PCM1: variants seen among roughly 807,000 people sequenced by gnomAD.
PCM1 encodes pericentriolar material 1 protein.
Under a neutral mutation model 241.9 loss-of-function variants are expected in PCM1, and 157 were observed. The ratio of observed to expected loss-of-function variants is 0.65; its 90% confidence interval spans 0.57 to 0.74. PCM1 has a LOEUF of 0.74. Ranked by LOEUF, PCM1 falls within the 30% of genes least tolerant of loss-of-function variation. PCM1 has a pLI of 0.00. For missense variants in PCM1, 3,478 were observed against 2,360.1 expected (o/e 1.47, Z -9.81); for synonymous variants, 1,085 against 784.9 (o/e 1.38, Z -6.39).
At chr8:18,024,922 A>G (rs2094060981) in intron 36 of PCM1, 1 of 152,920 alleles carries the variant, frequency 6.5e-6, no homozygotes, top group Non-Finnish European at 1.5e-5. Flanking sequence ...AAACAGTTTA[A>G]GGTGATCACA....
chr8:17,938,238 G>A (rs1358590208), intron 4 of PCM1, among the ~76,000 whole-genome samples: 1 of 152,012 alleles, frequency 6.6e-6, no homozygotes, highest in Non-Finnish European at 1.5e-5. Context: ...CTTGTGTGAT[G>A]GTCTGCAGTG....
chr8:17,981,192 G>C, intron 24 of PCM1, among the ~76,000 whole-genome samples: 1 of 152,120 alleles, frequency 6.6e-6, no homozygotes. Context: ...ACTCTGCCTT[G>C]AACTTTTTTC....
At chr8:18,025,740 T>C (rs1003024880) in intron 38 of PCM1, 82 bp downstream of exon 38, 7 of 779,520 alleles carry the variant, frequency 9.0e-6, no homozygotes, top group African/African-American at 7.1e-5. Context: ...TTTTTAAATA[T>C]GCTACTACTG....
chr8:17,941,514 G>C lies in PCM1; in HGVS notation c.783+1653G>C, dbSNP rs1448930221. Among the ~76,000 whole-genome samples the C allele has an allele frequency of 2.0e-5, 3 of 150,276 alleles. No individual in the cohort carries two copies. In the East Asian group the frequency reaches 5.8e-4, roughly 29 times the overall value. ...TATACTGCTGCTTGGAGGGGGATGT[G>C]GATTGATTTTTGTTTTTTTTTTTTT... On this transcript the variant is annotated intron_variant, in intron 6 of 38. Coordinates refer to ENST00000325083, the MANE Select transcript of PCM1 (RefSeq NM_006197.4).
chr8:17,932,150 G>A (rs1382623270), intron 2 of PCM1, among the ~76,000 whole-genome samples: 1 of 152,068 alleles, frequency 6.6e-6, no homozygotes, highest in Non-Finnish European at 1.5e-5. Context: ...ATTCTACCCA[G>A]CAAGTGTAGT....
chr8:17,957,776 G>A lies in PCM1; in HGVS notation c.2040+1G>A, dbSNP rs557126709. On this transcript the variant is annotated splice_donor_variant, in intron 13 of 38. Transcript: ENST00000325083. LOFTEE classifies it high-confidence loss of function. ...ACAAGATCTTGTTGCTATGGTACAG[G>A]TAAATATTGCTTGGTCTTTTAAAAA... The A allele has an allele frequency of 6.9e-6, 11 of 1,590,386 alleles. No homozygotes were observed. The South Asian group carries it at 1.2e-4, about 18-fold the overall frequency.
chr8:17,997,283 T>G (rs1345123374), intron 29 of PCM1, among the ~76,000 whole-genome samples: 1 of 152,226 alleles, frequency 6.6e-6, no homozygotes, highest in Non-Finnish European at 1.5e-5. Context: ...CATTATATGT[T>G]ATTTGTTTCT....
intron 2 of PCM1, among the ~76,000 whole-genome samples, chr8:17,932,933 T>G (rs2059448472): frequency 6.6e-6 from 1 of 152,154 alleles, no homozygotes; most frequent in African/African-American, 2.4e-5. Flanking sequence ...TTTTTTTCTG[T>G]GTGTCTGGGA....
At chr8:17,986,214 G>C (rs923783852) in intron 26 of PCM1, 127 bp downstream of exon 26, 1 of 612,440 alleles carries the variant, frequency 1.6e-6, no homozygotes, top group South Asian at 3.7e-5. Flanking sequence ...TTAAAACTTG[G>C]GTATAATGTG....
At chr8:18,026,636 A>C (rs1206154056) in intron 38 of PCM1, among the ~76,000 whole-genome samples, 1 of 152,160 alleles carries the variant, frequency 6.6e-6, no homozygotes, top group African/African-American at 2.4e-5. Context: ...TTAGTTTTTA[A>C]GATGCAGATA....
intron 2 of PCM1, among the ~76,000 whole-genome samples, chr8:17,930,103 T>C (rs2058507047): frequency 3.3e-5 from 1 of 30,062 alleles, no homozygotes; most frequent in African/African-American, 9.9e-5. Context: ...AATACTTCCT[T>C]TTTTTTTTTT....
intron 30 of PCM1, among the ~76,000 whole-genome samples, chr8:18,007,389 G>A (rs1219160317): frequency 1.3e-5 from 2 of 152,164 alleles, no homozygotes; most frequent in Non-Finnish European, 2.9e-5. Flanking sequence ...CCCGTTAGCA[G>A]TTATTAGTAC....
intron 35 of PCM1, 129 bp downstream of exon 35, chr8:18,014,165 A>G: frequency 1.6e-6 from 1 of 611,356 alleles, no homozygotes; most frequent in South Asian, 2.3e-5. Flanking sequence ...GACCTGATGT[A>G]TGTTTTTCTT....
chr8:17,989,446 T>A (rs1202518594), intron 26 of PCM1, among the ~76,000 whole-genome samples: 1 of 152,072 alleles, frequency 6.6e-6, no homozygotes. Flanking sequence ...GTTTATTTTT[T>A]AAAAATGCAA....
Position 18,029,437 on chromosome 8 carries a change from C to T in PCM1, c.*1775C>T. ...AATTCTTTATTTTCTCCACTTTAAG[C>T]AGGAAAGGGTAAAAACTGTTTTGGT... On this transcript the variant is annotated 3_prime_UTR_variant, in exon 39 of 39. Transcript: ENST00000325083. The T allele has an allele frequency of 4.6e-6, 1 of 217,218 alleles. No homozygotes were observed. Among genetic ancestry groups the T allele is most frequent in the Non-Finnish European group, 9.3e-6 (1 of 107,886 alleles). The allele number at this position is 217,218 out of a possible 1,614,324, so 13.5% of individuals were successfully genotyped here.
chr8:17,991,073 A>G (rs1171198018), intron 27 of PCM1, among the ~76,000 whole-genome samples: 1 of 149,986 alleles, frequency 6.7e-6, no homozygotes, highest in African/African-American at 2.5e-5. Flanking sequence ...ACAAACCTGC[A>G]CCAGTAGCTG....
intron 10 of PCM1, among the ~76,000 whole-genome samples, chr8:17,956,236 T>C (rs1178754851): frequency 6.6e-6 from 1 of 152,248 alleles, no homozygotes; most frequent in African/African-American, 2.4e-5. Context: ...TCTGTATACC[T>C]GATTTTCCTG....
At position 17,963,114 on chromosome 8, in the gene PCM1, T is replaced by G. The variant is rs762232391; in HGVS notation, c.2477T>G (p.Met826Arg). The part of the protein sequence containing the change: ...SIVDNELWSE[M>R]RRHEMLREEL... ...TAAAAAAAATAGTTGTGGTCAGAAA[T>G]GAGAAGACATGAAATGTTGAGGGAG... Residue 826 changes from methionine (M) to arginine (R), a missense_variant, in exon 17 of 39, where the codon ATG (methionine) becomes AGG (arginine). Physicochemically the swap from Met to Arg is moderately conservative, Grantham distance 91 (BLOSUM62 -1). Coordinates refer to ENST00000325083, the MANE Select transcript of PCM1 (RefSeq NM_006197.4). 6.2e-7 allele frequency: 1 copy of G among 1,609,068 alleles called. No homozygotes were observed. Among genetic ancestry groups the G allele is most frequent in the Admixed American group, 1.7e-5 (1 of 59,168 alleles).
intron 1 of PCM1, among the ~76,000 whole-genome samples, chr8:17,923,729 C>G (rs2055580432): frequency 6.6e-6 from 1 of 152,078 alleles, no homozygotes; most frequent in African/African-American, 2.4e-5. Context: ...TCCGCCGTCT[C>G]TGGTGCTGTG....
Sources: allele counts gnomAD v4.1 joint callset (sites outside exome capture counted in the v4.1 genomes callset), GRCh38; gene constraint gnomAD v4.1.1; transcripts MANE v1.5; gene names NCBI Gene and HGNC (gene_info 2026-07-23, HGNC 2026-07-21).